Variants in SETBP1 observed in about 807,000 individuals in gnomAD.
The protein encoded by SETBP1 is SET-binding protein.
In SETBP1, 9 loss-of-function variants were observed where a neutral mutation model predicts 101.0. The observed-to-expected ratio is 0.09, with a 90% CI of 0.05 to 0.16. The LOEUF (loss-of-function observed/expected upper bound fraction) is 0.16. SETBP1 is among the 10% of genes least tolerant of loss of function. SETBP1 has a pLI of 1.00. For synonymous variants in SETBP1, 818 were observed against 788.5 expected (o/e 1.04, Z -0.63); for missense variants, 1,858 against 2,033.8 (o/e 0.91, Z 1.66).
At chr18:44,684,907 A>C (rs1182351312) in intron 1 of SETBP1, among the ~76,000 whole-genome samples, 2 of 152,122 alleles carry the variant, frequency 1.3e-5, no homozygotes, top group Non-Finnish European at 2.9e-5. Context: ...TCAGCCTCCC[A>C]AAGTGGTGGG....
At chr18:44,954,926 C>T (rs1183678161) in intron 4 of SETBP1, among the ~76,000 whole-genome samples, 2 of 152,178 alleles carry the variant, frequency 1.3e-5, no homozygotes, top group Admixed American at 1.3e-4. Flanking sequence ...ATGGGACTTA[C>T]ACTAGCTGTG....
rs182378066 is a variant in SETBP1, at chr18:44,906,542, A to G, written c.540+37259A>G. 2.8e-4 allele frequency among the ~76,000 whole-genome samples: 43 copies of G among 152,348 alleles called. No individual in the cohort carries two copies. In the East Asian group the frequency reaches 8.1e-3, roughly 29 times the overall value. ...GTCCTCCTCTCTTTTAAGAAGAAAA[A>G]CATTCAATATTCAGTAATAGGAACT... On this transcript the variant is annotated intron_variant, in intron 3 of 5. Coordinates refer to ENST00000649279, the MANE Select transcript of SETBP1 (RefSeq NM_015559.3).
chr18:45,045,525 TG>T (rs1258181236), intron 5 of SETBP1, among the ~76,000 whole-genome samples: 4 of 151,186 alleles, frequency 2.6e-5, no homozygotes, highest in Admixed American at 2.0e-4. Context: ...TAATAATCCT[TG>T]GGGAGGCCCA....
Position 44,701,487 on chromosome 18 carries a change from G to C in SETBP1, c.141G>C (p.Gly47=). 6.2e-7 allele frequency: 1 copy of C among 1,613,908 alleles called. No homozygotes were observed. Among genetic ancestry groups the C allele is most frequent in the Non-Finnish European group, 8.5e-7 (1 of 1,179,816 alleles). ...PLLSTPGPGK[G]IPVGGERMEP... ...TCTCCACTCCAGGACCTGGGAAGGG[G>C]ATCCCGGTGGGCGGAGAGCGCATGG... Residue 47 remains glycine (G), a synonymous_variant, in exon 2 of 6, where the codon GGG becomes GGC. Transcript: ENST00000649279.
rs113945005 is a variant in SETBP1, at chr18:44,888,062, A to G, written c.540+18779A>G. Among the ~76,000 whole-genome samples the G allele has an allele frequency of 3.6e-3, 554 of 152,252 alleles. 5 individuals are homozygous for G. The highest frequency in any genetic ancestry group is 6.0e-3 in the Admixed American group (92 of 15,298). ...AACTGAAACATTAGAAGAGCAGTCA[A>G]TCTCCATCCCAGATGACAGGCATTC... On this transcript the variant is annotated intron_variant, in intron 3 of 5. Coordinates refer to ENST00000649279, the MANE Select transcript of SETBP1 (RefSeq NM_015559.3).
At chr18:44,734,736 A>G (rs1203080439) in intron 2 of SETBP1, among the ~76,000 whole-genome samples, 3 of 152,294 alleles carry the variant, frequency 2.0e-5, no homozygotes, top group Admixed American at 2.0e-4. Context: ...CCGCAGTAAC[A>G]GTCATTTCCT....
At chr18:45,006,914 T>C (rs951160510) in intron 4 of SETBP1, among the ~76,000 whole-genome samples, 13 of 152,226 alleles carry the variant, frequency 8.5e-5, no homozygotes, top group Admixed American at 7.9e-4. Context: ...AACAAGTTTC[T>C]TGGTTGATCA....
chr18:45,023,438 G>A (rs2073107292), intron 4 of SETBP1, among the ~76,000 whole-genome samples: 1 of 152,112 alleles, frequency 6.6e-6, no homozygotes, highest in Non-Finnish European at 1.5e-5. Flanking sequence ...ATATTTTACA[G>A]TCCCCCAAAG....
At chr18:44,995,530 T>TGG (rs1491129108) in intron 4 of SETBP1, among the ~76,000 whole-genome samples, 1 of 12,962 alleles carries the variant, frequency 7.7e-5, no homozygotes, top group Non-Finnish European at 1.4e-4. Context: ...TCCAGGCTTT[T>TGG]GTGTGTGTGT....
rs1482728272 is a variant in SETBP1 at position 44,739,878 on chromosome 18, TG to T, written c.486+38048del. Among the ~76,000 whole-genome samples the T allele has an allele frequency of 2.0e-5, 3 of 152,278 alleles. No individual in the cohort carries two copies. The East Asian group carries it at 5.8e-4, about 29-fold the overall frequency. On this transcript the variant is annotated intron_variant, in intron 2 of 5. Transcript: ENST00000649279. ...GAGTTGCAGGATCATACGTGGGAAG[TG>T]GAGGGGTTCCCATGTGACCTTCTAT...
chr18:44,709,522 C>T (rs891795568), intron 2 of SETBP1, among the ~76,000 whole-genome samples: 2 of 152,318 alleles, frequency 1.3e-5, no homozygotes, highest in South Asian at 4.1e-4. Context: ...GGGATAACAG[C>T]AGCCCCTCCT....
At chr18:44,702,320 T>G (rs978282976) in intron 2 of SETBP1, among the ~76,000 whole-genome samples, 1 of 152,214 alleles carries the variant, frequency 6.6e-6, no homozygotes, top group Non-Finnish European at 1.5e-5. Context: ...AAGTGGACTC[T>G]TGAAGTTCAA....
At chr18:44,902,064 A>C (rs1301994012) in intron 3 of SETBP1, among the ~76,000 whole-genome samples, 1 of 152,184 alleles carries the variant, frequency 6.6e-6, no homozygotes, top group African/African-American at 2.4e-5. Flanking sequence ...GAATTAATTA[A>C]AATTAAGTAC....
At chr18:44,972,612 C>A (rs1208196299) in intron 4 of SETBP1, among the ~76,000 whole-genome samples, 2 of 152,038 alleles carry the variant, frequency 1.3e-5, no homozygotes, top group African/African-American at 2.4e-5. Flanking sequence ...AGTTGGATTC[C>A]TAGGTATTTT....
chr18:44,869,110 C>T lies in SETBP1; in HGVS notation c.487-120C>T, dbSNP rs77107088. 153 of 882,044 alleles carry T rather than the reference C, an allele frequency of 1.7e-4. No homozygotes were observed. In the African/African-American group the frequency reaches 2.2e-3, roughly 13 times the overall value. The allele number at this position is 882,044 out of a possible 1,614,324, so 54.6% of individuals were successfully genotyped here. A position where few individuals can be genotyped will look rare whatever the true frequency, so the allele number is the denominator to read the frequency against. On this transcript the variant is annotated intron_variant, in intron 2 of 5. Coordinates refer to ENST00000649279, the MANE Select transcript of SETBP1 (RefSeq NM_015559.3). ...CCAGAAATCTCACATTTGCCTTCTGCGATCCCACTTCTGTAGCTCTCATCC... is the reference window on the plus strand; with the variant it reads ...CCAGAAATCTCACATTTGCCTTCTGTGATCCCACTTCTGTAGCTCTCATCC...
chr18:44,923,073 G>A (rs1420040439), intron 3 of SETBP1, among the ~76,000 whole-genome samples: 1 of 152,206 alleles, frequency 6.6e-6, no homozygotes, highest in Non-Finnish European at 1.5e-5. Context: ...ACGTTGCAAA[G>A]AAGGATGGTG....
In SETBP1 at chr18:45,039,384, A is replaced by G. The variant is rs75866950; in HGVS notation, c.4171+729A>G. ...GTCTCATCCCTGCCTCCAGGAAGAC[A>G]GGCCTTGGGTTTGGCTTAACACCTG... On this transcript the variant is annotated intron_variant, in intron 5 of 5. Coordinates refer to ENST00000649279, the MANE Select transcript of SETBP1 (RefSeq NM_015559.3). 2.0e-4 allele frequency among the ~76,000 whole-genome samples: 31 copies of G among 152,300 alleles called. No individual in the cohort carries two copies. In the East Asian group the frequency reaches 5.4e-3, roughly 27 times the overall value.
intron 2 of SETBP1, among the ~76,000 whole-genome samples, chr18:44,757,414 G>A (rs907233323): frequency 3.3e-5 from 5 of 152,120 alleles, no homozygotes; most frequent in African/African-American, 9.7e-5. Flanking sequence ...GCTAATGCTC[G>A]CTGACTAGAC....
rs190697678 is a variant in SETBP1 at position 44,835,449 on chromosome 18, C to A, written c.487-33781C>A. On this transcript the variant is annotated intron_variant, in intron 2 of 5. Transcript: ENST00000649279. ...GCTGAAATCTCTCTCCAGATAAAAG[C>A]CCATCTGATTAAGATTTAAGCAAAA... Among the ~76,000 whole-genome samples the A allele has an allele frequency of 2.3e-3, 348 of 152,202 alleles. 1 individual carries two copies. Among genetic ancestry groups the A allele is most frequent in the South Asian group, 0.013 (61 of 4,816 alleles).
Sources: gnomAD v4.1 joint callset for allele counts (sites outside exome capture counted in the v4.1 genomes callset) on GRCh38, gnomAD v4.1.1 for gene constraint, MANE v1.5 for transcripts, NCBI Gene and HGNC (gene_info 2026-07-23, HGNC 2026-07-21) for gene names.